The following SMYD4 variants were observed in gnomAD, a reference collection of about 807,000 sequenced individuals.
SMYD4 encodes the protein SET and MYND domain containing 4, also known as protein-lysine N-methyltransferase SMYD4.
In SMYD4, 68 loss-of-function variants were observed where a neutral mutation model predicts 72.8. That is an observed-to-expected ratio of 0.93 (90% confidence interval 0.77 to 1.14). The LOEUF (loss-of-function observed/expected upper bound fraction) is 1.14. SMYD4 is among the 50% of genes most tolerant of loss of function. SMYD4 has a pLI of 0.00. For synonymous variants in SMYD4, 407 were observed against 388.6 expected, an observed-to-expected ratio of 1.05 and a Z score of -0.56; for missense variants, 984 against 1,003.7, an observed-to-expected ratio of 0.98 and a Z score of 0.27.
chr17:1,799,191 A>G (rs1318493263), intron 5 of SMYD4, among the ~76,000 whole-genome samples: 1 of 148,138 alleles, frequency 6.8e-6, no homozygotes, highest in African/African-American at 2.5e-5. Flanking sequence ...CCTGGGAGGC[A>G]GAGCTTGCAG....
rs561091630 is a variant in SMYD4, at chr17:1,829,753, G to C, written c.-40C>G. ...GTGCACTCGCCAGAGACCGAGGCGAGAACGCCTCGAGAACCGCTCAGACGC... is the reference window on the plus strand; with the variant it reads ...GTGCACTCGCCAGAGACCGAGGCGACAACGCCTCGAGAACCGCTCAGACGC... On this transcript the variant is annotated 5_prime_UTR_variant, in exon 1 of 11. Coordinates refer to ENST00000305513, the MANE Select transcript of SMYD4 (RefSeq NM_052928.3). The C allele has an allele frequency of 5.0e-6, 1 of 199,560 alleles. No individual in the cohort carries two copies. The highest frequency in any genetic ancestry group is 1.0e-5 in the Non-Finnish European group (1 of 99,710). The allele number at this position is 199,560 out of a possible 1,614,324, so 12.4% of individuals were successfully genotyped here.
chr17:1,796,227 C>T (rs1310799843), intron 5 of SMYD4, among the ~76,000 whole-genome samples: 1 of 151,286 alleles, frequency 6.6e-6, no homozygotes, highest in African/African-American at 2.4e-5. Flanking sequence ...TCGAACTCTT[C>T]GGCTCAAGCA....
chr17:1,804,505 C>T (rs1909935405), intron 4 of SMYD4, 121 bp downstream of exon 4: 2 of 872,804 alleles, frequency 2.3e-6, no homozygotes, highest in East Asian at 2.7e-5. Flanking sequence ...GCTTCCAATT[C>T]AACCAATAGC....
intron 5 of SMYD4, among the ~76,000 whole-genome samples, chr17:1,796,299 G>GTTTTTTTTTTTT (rs35650939): frequency 1.8e-5 from 2 of 109,552 alleles, no homozygotes; most frequent in African/African-American, 3.7e-5. Flanking sequence ...ATGCCTGGCT[G>GTTTTTTTTTTTT]TTTTTTTTTT....
Position 1,786,828 on chromosome 17 carries a change from A to G in SMYD4, c.1866T>C (p.Ser622=). Residue 622 remains serine (S), a synonymous_variant, in exon 7 of 11, where the codon AGT becomes AGC. Coordinates refer to ENST00000305513, the MANE Select transcript of SMYD4 (RefSeq NM_052928.3). ...GAATTACCTGCATGGGCGCTCCGCA[A>G]CTGTTGCAACAGAATGCTTCCCACC... ...GPRWEAFCCN[S]CGAPMQGDDV... 6.2e-7 allele frequency: 1 copy of G among 1,614,162 alleles called. No individual in the cohort carries two copies. Among genetic ancestry groups the G allele is most frequent in the South Asian group, 1.1e-5 (1 of 91,086 alleles).
intron 2 of SMYD4, among the ~76,000 whole-genome samples, chr17:1,827,037 T>C (rs965456927): frequency 2.6e-5 from 4 of 151,940 alleles, no homozygotes; most frequent in African/African-American, 9.7e-5. Context: ...CCTGTAATCC[T>C]AGCTATTTGG....
At chr17:1,783,305 C>T (rs1005193070) in intron 9 of SMYD4, 55 bp downstream of exon 9, 25 of 1,610,190 alleles carry the variant, frequency 1.6e-5, no homozygotes, top group Admixed American at 1.0e-4. Context: ...GGGGCCACGG[C>T]GAAGTGCCCA....
At chr17:1,825,576 A>G (rs995865498) in intron 2 of SMYD4, among the ~76,000 whole-genome samples, 5 of 150,206 alleles carry the variant, frequency 3.3e-5, no homozygotes, top group Admixed American at 6.7e-5. Context: ...CAGTGGCACA[A>G]TCATGGCTCG....
chr17:1,794,087 A>ATATG (rs1284592893), intron 5 of SMYD4, among the ~76,000 whole-genome samples: 1,266 of 20,838 alleles, frequency 0.061, 91 homozygotes, highest in Non-Finnish European at 0.1. Flanking sequence ...ATGTGTATAT[A>ATATG]TATATATATA....
intron 2 of SMYD4, among the ~76,000 whole-genome samples, chr17:1,826,850 G>A (rs1235050319): frequency 2.0e-5 from 3 of 151,884 alleles, no homozygotes; most frequent in African/African-American, 7.3e-5. Flanking sequence ...CACTATTTTT[G>A]TCTATAGAAA....
In SMYD4 at chr17:1,828,075, G is replaced by C. The variant is rs1012149327; in HGVS notation, c.-12-69C>G. The C allele has an allele frequency of 4.0e-6, 6 of 1,492,062 alleles. No homozygotes were observed. The African/African-American group carries it at 4.1e-5, about 10-fold the overall frequency. The allele number at this position is 1,492,062 out of a possible 1,614,324, so 92.4% of individuals were successfully genotyped here. ...TTTAGAAAATCAAGAGTTCAGCCAG[G>C]TACGGTGGCTCACACCTGTAATCCC... On this transcript the variant is annotated intron_variant, in intron 1 of 10. Coordinates refer to ENST00000305513, the MANE Select transcript of SMYD4 (RefSeq NM_052928.3).
At chr17:1,796,936 A>G (rs758581587) in intron 5 of SMYD4, among the ~76,000 whole-genome samples, 1 of 152,256 alleles carries the variant, frequency 6.6e-6, no homozygotes, top group South Asian at 2.1e-4. Flanking sequence ...GCAAAGGCAC[A>G]AAGAAGCAAA....
At chr17:1,811,193 C>T (rs927548499) in intron 3 of SMYD4, among the ~76,000 whole-genome samples, 3 of 152,210 alleles carry the variant, frequency 2.0e-5, no homozygotes, top group Non-Finnish European at 2.9e-5. Flanking sequence ...GTCGGAGCCC[C>T]GCAGCCTGCC....
At chr17:1,794,127 T>TTTTTTTAG (rs60022529) in intron 5 of SMYD4, among the ~76,000 whole-genome samples, 1 of 75,114 alleles carries the variant, frequency 1.3e-5, no homozygotes, top group Non-Finnish European at 2.4e-5. Flanking sequence ...TTTTTTTTTT[T>TTTTTTTAG]GAGATGGAGT....
At chr17:1,828,143 G>A (rs1911300576) in intron 1 of SMYD4, 137 bp from the exon 2 acceptor site, 2 of 716,786 alleles carry the variant, frequency 2.8e-6, no homozygotes, top group Non-Finnish European at 4.5e-6. Context: ...GAGGTCAGGA[G>A]ATGGAGACCA....
chr17:1,816,593 C>T lies in SMYD4; in HGVS notation c.135-4478G>A, dbSNP rs183697130. The stretch of plus-strand genomic sequence containing the variant: ...CGAGAGCACACCACGGCACTCCACC[C>T]TGGGCGACAAAGCGAGACTCTGTCT... On this transcript the variant is annotated intron_variant, in intron 2 of 10. Transcript: ENST00000305513. 4.3e-3 allele frequency among the ~76,000 whole-genome samples: 641 copies of T among 150,736 alleles called. 3 individuals are homozygous for T. Among genetic ancestry groups the T allele is most frequent in the Non-Finnish European group, 7.2e-3 (486 of 67,720 alleles).
intron 4 of SMYD4, among the ~76,000 whole-genome samples, chr17:1,801,552 A>G (rs979594932): frequency 3.4e-5 from 5 of 145,444 alleles, no homozygotes; most frequent in African/African-American, 1.3e-4. Context: ...TGGATTAAAT[A>G]TTTCTATTTT....
At chr17:1,784,566 AAG>A in intron 7 of SMYD4, 105 bp from the exon 8 acceptor site, 7 of 1,527,742 alleles carry the variant, frequency 4.6e-6, no homozygotes, top group Non-Finnish European at 6.1e-6. Context: ...TCATGGGGGA[AAG>A]AGACTCCTGT....
chr17:1,818,404 T>C (rs1019759894), intron 2 of SMYD4, among the ~76,000 whole-genome samples: 3 of 152,206 alleles, frequency 2.0e-5, no homozygotes, highest in Non-Finnish European at 4.4e-5. Context: ...ACAGGCATCA[T>C]GGATGTTCAC....
Sources: allele counts gnomAD v4.1 joint callset (sites outside exome capture counted in the v4.1 genomes callset), GRCh38; gene constraint gnomAD v4.1.1; transcripts MANE v1.5; gene names NCBI Gene and HGNC (gene_info 2026-07-23, HGNC 2026-07-21).